SLC30A7: variants seen among roughly 807,000 people sequenced by gnomAD.
The protein encoded by SLC30A7 is zinc transporter 7.
In SLC30A7, 35 loss-of-function variants were observed where a neutral mutation model predicts 46.0. That is an observed-to-expected ratio of 0.76 (90% CI 0.58 to 1.01). SLC30A7 has a LOEUF of 1.01. Among genes scored for constraint, SLC30A7 ranks in the 50% least tolerant of loss-of-function variants. The probability of loss-of-function intolerance (pLI) is 0.00; values close to 1 mark genes in which losing one functional copy is unlikely to be tolerated. For missense variants in SLC30A7, 464 were observed against 451.1 expected (o/e 1.03, Z -0.26); for synonymous variants, 147 against 157.8 (o/e 0.93, Z 0.51).
At chr1:100,971,300 C>T (rs757387237) in intron 10 of SLC30A7, among the ~76,000 whole-genome samples, 2 of 152,078 alleles carry the variant, frequency 1.3e-5, no homozygotes, top group African/African-American at 2.4e-5. Context: ...TATTTTTCCA[C>T]CTTTCCTTTT....
At chr1:100,904,426 AC>A (rs1651510019) in intron 2 of SLC30A7, among the ~76,000 whole-genome samples, 1 of 151,968 alleles carries the variant, frequency 6.6e-6, no homozygotes, top group Admixed American at 6.6e-5. Flanking sequence ...TTTTTTGTCC[AC>A]TTTTTCCATA....
At chr1:100,945,306 C>T (rs1304942549) in intron 8 of SLC30A7, among the ~76,000 whole-genome samples, 2 of 152,132 alleles carry the variant, frequency 1.3e-5, no homozygotes, top group Non-Finnish European at 2.9e-5. Context: ...TCTCATTTGT[C>T]TCTTTTGGCT....
rs1249769851 is a variant in SLC30A7, at chr1:100,961,820, T to C, written c.843-8T>C. ...ACTTTAATAAATTGTTGTCTTCCTTTTCCTTAGTGTTATTCCTCTTTTAAG... is the reference window on the plus strand; with the variant it reads ...ACTTTAATAAATTGTTGTCTTCCTTCTCCTTAGTGTTATTCCTCTTTTAAG... On this transcript the variant is annotated splice_region_variant and splice_polypyrimidine_tract_variant and intron_variant, in intron 8 of 10. Transcript: ENST00000357650. 6.4e-7 allele frequency: 1 copy of C among 1,551,500 alleles called. No individual in the cohort carries two copies. Among genetic ancestry groups the C allele is most frequent in the South Asian group, 1.2e-5 (1 of 86,410 alleles).
Position 100,951,050 on chromosome 1 carries a change from A to G in SLC30A7, c.843-10778A>G, listed in dbSNP as rs1570573598. On this transcript the variant is annotated intron_variant, in intron 8 of 10. Coordinates refer to ENST00000357650, the MANE Select transcript of SLC30A7 (RefSeq NM_133496.5). ...TATCCCACTGGAGGGGAAGAAGGGA[A>G]ATGGGATTTATAGACCAACTCCTCA... 3.9e-5 allele frequency among the ~76,000 whole-genome samples: 6 copies of G among 152,286 alleles called. 3 individuals carry two copies. The highest frequency in any genetic ancestry group is 3.9e-4 in the Admixed American group (6 of 15,288).
chr1:100,915,413 C>A (rs1652479062), intron 6 of SLC30A7, among the ~76,000 whole-genome samples: 1 of 152,026 alleles, frequency 6.6e-6, no homozygotes, highest in Non-Finnish European at 1.5e-5. Context: ...ACTTTGTACC[C>A]TTTGACTAAT....
At chr1:100,916,704 C>CTTT (rs33980397) in intron 6 of SLC30A7, among the ~76,000 whole-genome samples, 931 of 92,296 alleles carry the variant, frequency 0.01, 2 homozygotes, top group Non-Finnish European at 0.011. Flanking sequence ...TTCATTCATT[C>CTTT]TTTTTTTTTT....
intron 2 of SLC30A7, among the ~76,000 whole-genome samples, chr1:100,902,433 G>T (rs925257277): frequency 6.6e-6 from 1 of 151,986 alleles, no homozygotes; most frequent in Non-Finnish European, 1.5e-5. Flanking sequence ...GGCAATATTT[G>T]GTTTATGTTG....
At chr1:100,986,469 A>G (rs906717046), downstream of SLC30A7, among the ~76,000 whole-genome samples, 2 of 152,106 alleles carry the variant, frequency 1.3e-5, no homozygotes, top group Admixed American at 6.6e-5. Context: ...TACTGCCAAC[A>G]TGAAGTGGTG....
chr1:100,952,348 G>C (rs966574824), intron 8 of SLC30A7, among the ~76,000 whole-genome samples: 1 of 152,156 alleles, frequency 6.6e-6, no homozygotes, highest in Non-Finnish European at 1.5e-5. Context: ...TGGGGACAAT[G>C]ATAATACCTA....
intron 8 of SLC30A7, among the ~76,000 whole-genome samples, chr1:100,954,048 G>A (rs1472908332): frequency 1.8e-4 from 27 of 152,156 alleles, no homozygotes; most frequent in Admixed American, 1.8e-3. Context: ...GTCAAACAAG[G>A]GCTGGTTTAG....
At chr1:100,930,661 G>A (rs1469297050) in intron 8 of SLC30A7, among the ~76,000 whole-genome samples, 3 of 151,726 alleles carry the variant, frequency 2.0e-5, no homozygotes, top group Non-Finnish European at 4.4e-5. Context: ...GTTTTTGGGT[G>A]TTCCCTAACA....
downstream of SLC30A7, among the ~76,000 whole-genome samples, chr1:100,985,581 T>C (rs912777662): frequency 2.6e-5 from 4 of 152,290 alleles, no homozygotes; most frequent in Non-Finnish European, 4.4e-5. Context: ...CACAGATCAA[T>C]AGAACAGCAA....
At chr1:100,986,111 A>C (rs1377242913), downstream of SLC30A7, among the ~76,000 whole-genome samples, 11 of 152,216 alleles carry the variant, frequency 7.2e-5, no homozygotes, top group Admixed American at 6.5e-4. Flanking sequence ...TTAAAACCAC[A>C]ACAAAGACAC....
At chr1:100,905,910 A>G (rs529871705) in intron 2 of SLC30A7, among the ~76,000 whole-genome samples, 26 of 152,308 alleles carry the variant, frequency 1.7e-4, no homozygotes, top group Non-Finnish European at 3.4e-4. Context: ...GTAGCTCTTA[A>G]CAATGAGTCT....
intron 8 of SLC30A7, among the ~76,000 whole-genome samples, chr1:100,949,441 G>A (rs1330492044): frequency 6.6e-6 from 1 of 152,176 alleles, no homozygotes; most frequent in Admixed American, 6.5e-5. Flanking sequence ...ACTGGGAGGT[G>A]TCTCCCAGTT....
Position 100,896,108 on chromosome 1 carries a change from G to C in SLC30A7, c.-155G>C, listed in dbSNP as rs750876200. On this transcript the variant is annotated 5_prime_UTR_variant, in exon 1 of 11. Coordinates refer to ENST00000357650, the MANE Select transcript of SLC30A7 (RefSeq NM_133496.5). ...CCGGGCCGGAAGTAAGCGAATTCCCGGGTGTGTGTCTGTGTCTGTCTGTGT... is the reference window on the plus strand; with the variant it reads ...CCGGGCCGGAAGTAAGCGAATTCCCCGGTGTGTGTCTGTGTCTGTCTGTGT... The C allele has an allele frequency of 9.0e-6, 6 of 663,286 alleles. No homozygotes were observed. Among genetic ancestry groups the C allele is most frequent in the Non-Finnish European group, 1.6e-5 (6 of 371,596 alleles). 41.1% of individuals were successfully genotyped at this position (663,286 alleles called of 1,614,324 possible). A position where few individuals can be genotyped will look rare whatever the true frequency, so the allele number is the denominator to read the frequency against.
chr1:100,929,412 G>A (rs1653532177), intron 8 of SLC30A7, among the ~76,000 whole-genome samples: 1 of 151,990 alleles, frequency 6.6e-6, no homozygotes. Flanking sequence ...CTATTTGCAA[G>A]GAGATCACTC....
At chr1:100,917,541 A>G (rs529480844) in intron 6 of SLC30A7, among the ~76,000 whole-genome samples, 2 of 152,334 alleles carry the variant, frequency 1.3e-5, no homozygotes, top group African/African-American at 2.4e-5. Flanking sequence ...AAAGCTGAAT[A>G]GTAATTTTCA....
chr1:100,945,836 A>G (rs963620401), intron 8 of SLC30A7, among the ~76,000 whole-genome samples: 6 of 152,188 alleles, frequency 3.9e-5, no homozygotes, highest in African/African-American at 1.2e-4. Flanking sequence ...AGTCCTTGGT[A>G]GCTTGATGGG....
Sources: gnomAD v4.1 joint callset for allele counts (sites outside exome capture counted in the v4.1 genomes callset) on GRCh38, gnomAD v4.1.1 for gene constraint, MANE v1.5 for transcripts, NCBI Gene and HGNC (gene_info 2026-07-23, HGNC 2026-07-21) for gene names.